ZFYVE28: variants seen among roughly 807,000 people sequenced by gnomAD.
ZFYVE28 encodes the protein zinc finger FYVE-type containing 28, also known as lateral signaling target protein 2 homolog.
ZFYVE28 carries 40 observed loss-of-function variants against 82.1 expected under a neutral mutation model. The ratio of observed to expected loss-of-function variants is 0.49; its 90% CI spans 0.38 to 0.63. The LOEUF is 0.63. Ranked by LOEUF, ZFYVE28 falls within the 30% of genes least tolerant of loss-of-function variation. ZFYVE28 has a pLI of 0.00. For synonymous variants in ZFYVE28, 612 were observed against 546.1 expected (o/e 1.12, Z -1.68); for missense variants, 1,321 against 1,242.1 (o/e 1.06, Z -0.96).
intron 1 of ZFYVE28, among the ~76,000 whole-genome samples, chr4:2,411,274 A>G (rs1732496416): frequency 6.6e-6 from 1 of 152,186 alleles, no homozygotes; most frequent in Admixed American, 6.5e-5. Flanking sequence ...CAGCAGGAAA[A>G]CAATGAGAAA....
In ZFYVE28 at chr4:2,371,259, G is replaced by A. The variant is rs115010311; in HGVS notation, c.40-17186C>T. On this transcript the variant is annotated intron_variant, in intron 1 of 12. Transcript: ENST00000290974. ...GGGGCTGATTTGTGTGGTTGCCCGC[G>A]TCGTGCTCCCTGGCACATTCTTCTT... 7.1e-3 allele frequency among the ~76,000 whole-genome samples: 1,075 copies of A among 152,302 alleles called. 9 individuals carry two copies. The highest frequency in any genetic ancestry group is 0.022 in the African/African-American group (915 of 41,546).
intron 7 of ZFYVE28, among the ~76,000 whole-genome samples, chr4:2,308,446 C>T (rs916556457): frequency 4.2e-5 from 6 of 142,472 alleles, no homozygotes; most frequent in Admixed American, 3.6e-4. Context: ...ATTCCAGGCC[C>T]CTTGCATCTC....
intron 12 of ZFYVE28, 78 bp downstream of exon 12, chr4:2,271,233 C>G: frequency 1.4e-6 from 2 of 1,458,200 alleles, no homozygotes; most frequent in Non-Finnish European, 1.9e-6. Context: ...GGCATCGGTT[C>G]TGACTTCCAG....
chr4:2,340,967 C>A (rs553648623), intron 3 of ZFYVE28, among the ~76,000 whole-genome samples: 94 of 151,822 alleles, frequency 6.2e-4, no homozygotes, highest in African/African-American at 2.2e-3. Context: ...CTGGGGAGTC[C>A]GCATGGTGGG....
chr4:2,401,920 C>T (rs1488549643), intron 1 of ZFYVE28, among the ~76,000 whole-genome samples: 2 of 152,358 alleles, frequency 1.3e-5, no homozygotes, highest in East Asian at 1.9e-4. Context: ...TCACTTGGCC[C>T]TCCCAGCGCT....
At chr4:2,334,119 C>G (rs553534754) in intron 6 of ZFYVE28, among the ~76,000 whole-genome samples, 2 of 152,300 alleles carry the variant, frequency 1.3e-5, no homozygotes, top group East Asian at 3.9e-4. Context: ...CGATGTGAGG[C>G]TCACTCTCTC....
chr4:2,415,451 TACACACACAC>T (rs58420760), intron 1 of ZFYVE28, among the ~76,000 whole-genome samples: 16 of 147,164 alleles, frequency 1.1e-4, no homozygotes, highest in Admixed American at 6.1e-4. Context: ...ACCCTGTCTC[TACACACACAC>T]ACACACACAC....
At chr4:2,301,136 T>TC (rs1715453421) in intron 8 of ZFYVE28, among the ~76,000 whole-genome samples, 1 of 142,414 alleles carries the variant, frequency 7.0e-6, no homozygotes, top group African/African-American at 2.8e-5. Context: ...CACTGCGCTA[T>TC]CACCCCCGTA....
intron 2 of ZFYVE28, among the ~76,000 whole-genome samples, chr4:2,352,634 C>A (rs1032005289): frequency 5.3e-5 from 8 of 152,096 alleles, no homozygotes; most frequent in African/African-American, 1.9e-4. Flanking sequence ...ATGCTGGGAG[C>A]ATCCCCCTCC....
intron 1 of ZFYVE28, among the ~76,000 whole-genome samples, chr4:2,368,456 A>G (rs1727153958): frequency 6.6e-6 from 1 of 152,130 alleles, no homozygotes; most frequent in South Asian, 2.1e-4. Flanking sequence ...CAACCATCAC[A>G]TGATCTAGTT....
intron 7 of ZFYVE28, among the ~76,000 whole-genome samples, chr4:2,317,633 TTTGA>T (rs1367147066): frequency 1.3e-5 from 2 of 152,064 alleles, no homozygotes; most frequent in South Asian, 2.1e-4. Context: ...ATGCTTTTTG[TTTGA>T]TTGTTTTTTT....
At position 2,360,159 on chromosome 4, in the gene ZFYVE28, G is replaced by A. The variant is rs1725919381; in HGVS notation, c.40-6086C>T. ...GGGCATCCTGAACAGCGTGTCCAAA[G>A]CCATTGCCCCCGAGAACAGGGAAGC... On this transcript the variant is annotated intron_variant, in intron 1 of 12. Coordinates refer to ENST00000290974, the MANE Select transcript of ZFYVE28 (RefSeq NM_020972.3). Among the ~76,000 whole-genome samples, 8 of 151,946 alleles carry A rather than the reference G, an allele frequency of 5.3e-5. 1 individual carries two copies. Among genetic ancestry groups the A allele is most frequent in the South Asian group, 4.2e-4 (2 of 4,792 alleles).
intron 1 of ZFYVE28, among the ~76,000 whole-genome samples, chr4:2,359,556 G>A (rs11737085): frequency 0.096 from 14,549 of 152,268 alleles, 768 homozygotes; most frequent in East Asian, 0.12. Flanking sequence ...CGACTTTGTG[G>A]GGACAATGGC....
At position 2,391,738 on chromosome 4, in the gene ZFYVE28, C is replaced by CTTTTTTTTTTTTTTTTTTTTTTT. The variant is rs374413016; in HGVS notation, c.39+26546_39+26547insAAAAAAAAAAAAAAAAAAAAAAA. Among the ~76,000 whole-genome samples, 2 of 139,770 alleles carry CTTTTTTTTTTTTTTTTTTTTTTT rather than the reference C, an allele frequency of 1.4e-5. 1 individual carries two copies. Among genetic ancestry groups the CTTTTTTTTTTTTTTTTTTTTTTT allele is most frequent in the Non-Finnish European group, 3.1e-5 (2 of 65,068 alleles). 91.7% of individuals were successfully genotyped at this position (139,770 alleles called of 152,430 possible). Reference sequence around the variant, plus strand: ...GGCTTCCTGTAAGTCAATTCTCTCTCTCTTTTTTTTTTTTTGTGACTGAGT... The same window carrying CTTTTTTTTTTTTTTTTTTTTTTT: ...GGCTTCCTGTAAGTCAATTCTCTCTCTTTTTTTTTTTTTTTTTTTTTTTTCTTTTTTTTTTTTTGTGACTGAGT... On this transcript the variant is annotated intron_variant, in intron 1 of 12. Coordinates refer to ENST00000290974, the MANE Select transcript of ZFYVE28 (RefSeq NM_020972.3).
rs1714722899 is a variant in ZFYVE28, at chr4:2,297,212, T to C, written c.2051+7077A>G. On this transcript the variant is annotated intron_variant, in intron 8 of 12. Transcript: ENST00000290974. ...CTGGGCTGCGCACCGGGAGCCAGGCTGGGGGCCACAGGACCCTCTGTGTCA... is the reference window on the plus strand; with the variant it reads ...CTGGGCTGCGCACCGGGAGCCAGGCCGGGGGCCACAGGACCCTCTGTGTCA... Among the ~76,000 whole-genome samples the C allele has an allele frequency of 2.6e-5, 4 of 152,250 alleles. No homozygotes were observed. The South Asian group carries it at 8.3e-4, about 31-fold the overall frequency.
At chr4:2,277,412 G>A (rs551816349) in intron 8 of ZFYVE28, among the ~76,000 whole-genome samples, 26 of 152,266 alleles carry the variant, frequency 1.7e-4, no homozygotes, top group African/African-American at 5.8e-4. Context: ...CCCGGGAGGC[G>A]GAGGTTGCAC....
At position 2,360,121 on chromosome 4, in the gene ZFYVE28, G is replaced by A. The variant is rs189970451; in HGVS notation, c.40-6048C>T. ...ATGGGCTCTGACGGTATAATTGCCTGCGCGTGGGAAAGGGGCATCCTGAAC... is the reference window on the plus strand; with the variant it reads ...ATGGGCTCTGACGGTATAATTGCCTACGCGTGGGAAAGGGGCATCCTGAAC... On this transcript the variant is annotated intron_variant, in intron 1 of 12. Transcript: ENST00000290974. Among the ~76,000 whole-genome samples, 328 of 152,166 alleles carry A rather than the reference G, an allele frequency of 2.2e-3. 2 individuals are homozygous for A. Among genetic ancestry groups the A allele is most frequent in the African/African-American group, 6.9e-3 (285 of 41,516 alleles).
chr4:2,376,371 TAAAAAAAAAAAAA>T (rs55652132), intron 1 of ZFYVE28, among the ~76,000 whole-genome samples: 1 of 75,748 alleles, frequency 1.3e-5, no homozygotes, highest in Non-Finnish European at 2.4e-5. Flanking sequence ...ACCCTATCTC[TAAAAAAAAAAAAA>T]AAAAAAAAAA....
chr4:2,383,273 T>C (rs556669050), intron 1 of ZFYVE28, among the ~76,000 whole-genome samples: 51 of 152,214 alleles, frequency 3.4e-4, no homozygotes, highest in Middle Eastern at 3.4e-3. Flanking sequence ...AATTGAATCA[T>C]AGGGGTGGTT....
Sources: gnomAD v4.1 joint callset for allele counts (sites outside exome capture counted in the v4.1 genomes callset) on GRCh38, gnomAD v4.1.1 for gene constraint, MANE v1.5 for transcripts, NCBI Gene and HGNC (gene_info 2026-07-23, HGNC 2026-07-21) for gene names.